BAALC: variants seen among roughly 807,000 people sequenced by gnomAD.
The protein encoded by BAALC is brain and acute leukemia cytoplasmic protein.
In BAALC, 9 loss-of-function variants were observed where a neutral mutation model predicts 15.5. The ratio of observed to expected loss-of-function variants is 0.58; its 90% CI spans 0.35 to 1.02. The LOEUF (loss-of-function observed/expected upper bound fraction) is 1.02, where lower values mean the gene tolerates loss of function less well. Among genes scored for constraint, BAALC ranks in the 50% least tolerant of loss-of-function variants. The pLI is 0.02. For synonymous variants in BAALC, 80 were observed against 74.6 expected (o/e 1.07, Z -0.37); for missense variants, 201 against 192.4 (o/e 1.04, Z -0.27).
At chr8:103,201,883 G>A (rs1021214345) in intron 1 of BAALC, among the ~76,000 whole-genome samples, 3 of 152,214 alleles carry the variant, frequency 2.0e-5, no homozygotes, top group African/African-American at 7.2e-5. Flanking sequence ...CATCTGTGAT[G>A]AGGAGGAAGC....
intron 2 of BAALC, 115 bp downstream of exon 2, chr8:103,213,200 G>A: frequency 8.6e-7 from 1 of 1,158,680 alleles, no homozygotes; most frequent in South Asian, 2.1e-5. Flanking sequence ...GCTCATCTTG[G>A]AAAAAAAAAG....
intron 1 of BAALC, among the ~76,000 whole-genome samples, chr8:103,171,546 C>T (rs1811494931): frequency 6.6e-6 from 1 of 152,120 alleles, no homozygotes; most frequent in African/African-American, 2.4e-5. Flanking sequence ...CAATATGAAC[C>T]CAATATCCAG....
chr8:103,229,573 T>G lies in BAALC; in HGVS notation c.*1474T>G, dbSNP rs1005877208. The G allele has an allele frequency of 5.3e-5, 8 of 152,208 alleles. No individual in the cohort carries two copies. Among genetic ancestry groups the G allele is most frequent in the African/African-American group, 1.9e-4 (8 of 41,446 alleles). The allele number at this position is 152,208 out of a possible 1,614,324, so 9.4% of individuals were successfully genotyped here. On this transcript the variant is annotated 3_prime_UTR_variant, in exon 3 of 3. Coordinates refer to ENST00000309982, the MANE Select transcript of BAALC (RefSeq NM_024812.3). ...AGGTACTATGCAGATGTTGAGGGAT[T>G]TGGGGTCTGGTTAGTCGTGACTATC...
chr8:103,200,234 C>CT (rs749437997), intron 1 of BAALC, among the ~76,000 whole-genome samples: 100 of 152,282 alleles, frequency 6.6e-4, no homozygotes, highest in Non-Finnish European at 1.1e-3. Context: ...AAAAAGGACA[C>CT]TTATATACTG....
intron 1 of BAALC, among the ~76,000 whole-genome samples, chr8:103,198,352 GA>G (rs1455269646): frequency 2.6e-5 from 4 of 152,038 alleles, no homozygotes; most frequent in African/African-American, 9.7e-5. Flanking sequence ...TTACTAATTA[GA>G]AAAGACAAAA....
chr8:103,207,956 A>G (rs1157300711), intron 1 of BAALC, among the ~76,000 whole-genome samples: 1 of 152,210 alleles, frequency 6.6e-6, no homozygotes, highest in East Asian at 1.9e-4. Flanking sequence ...TTATATTCCT[A>G]ACCCCTTGGG....
chr8:103,168,437 A>C (rs1811397731), intron 1 of BAALC, among the ~76,000 whole-genome samples: 1 of 151,844 alleles, frequency 6.6e-6, no homozygotes, highest in Non-Finnish European at 1.5e-5. Flanking sequence ...CACTTTTCGC[A>C]GCTAAACCAG....
At chr8:103,169,649 C>T (rs1041314093) in intron 1 of BAALC, among the ~76,000 whole-genome samples, 1 of 152,162 alleles carries the variant, frequency 6.6e-6, no homozygotes, top group Non-Finnish European at 1.5e-5. Context: ...CAGACTCTCC[C>T]AATTTCCTAC....
chr8:103,182,660 G>C (rs374527471), intron 1 of BAALC, among the ~76,000 whole-genome samples: 1 of 152,142 alleles, frequency 6.6e-6, no homozygotes, highest in Non-Finnish European at 1.5e-5. Flanking sequence ...TGTCCACTTG[G>C]TCCATACATC....
intron 2 of BAALC, among the ~76,000 whole-genome samples, chr8:103,220,599 A>T (rs1035159477): frequency 6.6e-6 from 1 of 152,212 alleles, no homozygotes; most frequent in African/African-American, 2.4e-5. Flanking sequence ...ATGAGGAGGA[A>T]GCAAAAAAGA....
intron 1 of BAALC, among the ~76,000 whole-genome samples, chr8:103,203,814 T>C (rs1323785350): frequency 7.3e-6 from 1 of 137,270 alleles, no homozygotes; most frequent in Admixed American, 6.8e-5. Flanking sequence ...ATAAAATACT[T>C]TATTTATCTA....
chr8:103,144,676 T>G (rs970475923), intron 1 of BAALC, among the ~76,000 whole-genome samples: 33 of 152,190 alleles, frequency 2.2e-4, no homozygotes, highest in African/African-American at 7.0e-4. Flanking sequence ...TTCTAATTTC[T>G]CCAGAGAAAA....
chr8:103,188,780 G>A (rs1213332777), intron 1 of BAALC, among the ~76,000 whole-genome samples: 2 of 152,188 alleles, frequency 1.3e-5, no homozygotes, highest in African/African-American at 4.8e-5. Context: ...ATGCCAAGAT[G>A]TATTCAACAG....
intron 1 of BAALC, among the ~76,000 whole-genome samples, chr8:103,143,454 A>G (rs931762030): frequency 6.6e-6 from 1 of 152,148 alleles, no homozygotes; most frequent in Non-Finnish European, 1.5e-5. Context: ...GAGTAAATGA[A>G]AGAGCCAGTA....
At chr8:103,203,521 C>A (rs1336810455) in intron 1 of BAALC, among the ~76,000 whole-genome samples, 2 of 152,172 alleles carry the variant, frequency 1.3e-5, no homozygotes, top group Admixed American at 6.5e-5. Flanking sequence ...ACCACCCCCA[C>A]AATCAATTTT....
intron 1 of BAALC, among the ~76,000 whole-genome samples, chr8:103,171,238 AAAGAAAGG>A (rs1188474846): frequency 5.4e-5 from 8 of 148,698 alleles, no homozygotes; most frequent in African/African-American, 1.8e-4. Context: ...GGACAGAAAG[AAAGAAAGG>A]AAGGAAGGAA....
At chr8:103,192,496 T>A (rs546090429) in intron 1 of BAALC, among the ~76,000 whole-genome samples, 2 of 152,346 alleles carry the variant, frequency 1.3e-5, no homozygotes, top group South Asian at 4.1e-4. Flanking sequence ...TCCTTATTAA[T>A]TCACCATTGT....
chr8:103,203,188 C>T (rs1322311410), intron 1 of BAALC, among the ~76,000 whole-genome samples: 2 of 152,174 alleles, frequency 1.3e-5, no homozygotes, highest in East Asian at 3.8e-4. Flanking sequence ...ACCCTATGGC[C>T]AACGGCAGAT....
At chr8:103,194,322 G>A (rs1476540217) in intron 1 of BAALC, among the ~76,000 whole-genome samples, 1 of 152,224 alleles carries the variant, frequency 6.6e-6, no homozygotes, top group African/African-American at 2.4e-5. Context: ...TTGCCTTTAA[G>A]GATTAGGGAA....
Sources: gnomAD v4.1 joint callset for allele counts (sites outside exome capture counted in the v4.1 genomes callset) on GRCh38, gnomAD v4.1.1 for gene constraint, MANE v1.5 for transcripts, NCBI Gene and HGNC (gene_info 2026-07-23, HGNC 2026-07-21) for gene names.